The following ARHGAP10 variants were observed in gnomAD, a reference collection of about 807,000 sequenced individuals.
ARHGAP10 encodes Rho GTPase activating protein 10.
In ARHGAP10, 87 loss-of-function variants were observed where a neutral mutation model predicts 108.6. The observed-to-expected ratio is 0.80, with a 90% CI of 0.67 to 0.96. The LOEUF (loss-of-function observed/expected upper bound fraction) is 0.96. Among genes scored for constraint, ARHGAP10 ranks in the 40% least tolerant of loss-of-function variants. ARHGAP10 has a pLI of 0.00. For synonymous variants in ARHGAP10, 347 were observed against 341.1 expected (o/e 1.02, Z -0.19); for missense variants, 939 against 954.5 (o/e 0.98, Z 0.21).
At chr4:147,736,120 CTGTGTGTGTGTGTGTG>C in intron 1 of ARHGAP10, among the ~76,000 whole-genome samples, 1 of 144,744 alleles carries the variant, frequency 6.9e-6, no homozygotes, top group South Asian at 2.2e-4. Flanking sequence ...AATTGTCTAG[CTGTGTGTGTGTGTGTG>C]TGTGTGTGTG....
intron 8 of ARHGAP10, among the ~76,000 whole-genome samples, chr4:147,876,044 C>T (rs990543177): frequency 3.3e-5 from 5 of 152,178 alleles, no homozygotes; most frequent in Non-Finnish European, 5.9e-5. Flanking sequence ...ACAGGACTTT[C>T]AATCCGACCT....
intron 4 of ARHGAP10, among the ~76,000 whole-genome samples, chr4:147,856,736 C>T (rs1734100198): frequency 6.6e-6 from 1 of 152,170 alleles, no homozygotes; most frequent in South Asian, 2.1e-4. Context: ...TGGTTCTAAG[C>T]ATTTCAGAGA....
intron 13 of ARHGAP10, among the ~76,000 whole-genome samples, chr4:147,914,470 G>T (rs1481854371): frequency 6.6e-6 from 1 of 151,596 alleles, no homozygotes; most frequent in Non-Finnish European, 1.5e-5. Flanking sequence ...TGATCCTCCT[G>T]CCTGGGCCTC....
chr4:147,794,001 C>A (rs2126750534), intron 1 of ARHGAP10, among the ~76,000 whole-genome samples: 1 of 152,306 alleles, frequency 6.6e-6, no homozygotes, highest in South Asian at 2.1e-4. Flanking sequence ...AAATGTTCTG[C>A]AGATCACAGA....
intron 19 of ARHGAP10, among the ~76,000 whole-genome samples, chr4:148,037,843 AAAAAAG>A (rs1372260007): frequency 1.4e-4 from 22 of 151,932 alleles, no homozygotes; most frequent in African/African-American, 5.3e-4. Flanking sequence ...CAAAAAAAAA[AAAAAAG>A]AAAAGAATGG....
intron 1 of ARHGAP10, among the ~76,000 whole-genome samples, chr4:147,761,017 CTTT>C (rs11301771): frequency 1.2e-4 from 17 of 141,302 alleles, no homozygotes; most frequent in Non-Finnish European, 1.1e-4. Context: ...TTAGAGTTAA[CTTT>C]TTTTTTTTTT....
chr4:147,996,113 G>C (rs1035456882), intron 18 of ARHGAP10, among the ~76,000 whole-genome samples: 1 of 152,178 alleles, frequency 6.6e-6, no homozygotes, highest in Non-Finnish European at 1.5e-5. Flanking sequence ...TGCAGGAGAT[G>C]GTTTGGGCAG....
At chr4:148,013,260 G>GT (rs1741232697) in intron 18 of ARHGAP10, among the ~76,000 whole-genome samples, 1 of 152,196 alleles carries the variant, frequency 6.6e-6, no homozygotes, top group Non-Finnish European at 1.5e-5. Context: ...TCTTAAATAT[G>GT]TAAGTCATTC....
At chr4:147,823,776 A>T (rs1305032918) in intron 3 of ARHGAP10, among the ~76,000 whole-genome samples, 1 of 151,966 alleles carries the variant, frequency 6.6e-6, no homozygotes, top group African/African-American at 2.4e-5. Context: ...GAAAAAACAA[A>T]ACAAAAAACA....
chr4:148,015,541 G>C (rs1413370612), intron 18 of ARHGAP10, among the ~76,000 whole-genome samples: 1 of 152,174 alleles, frequency 6.6e-6, no homozygotes, highest in African/African-American at 2.4e-5. Context: ...GTATTTTACT[G>C]TCAGACCCTG....
intron 3 of ARHGAP10, 144 bp downstream of exon 3, chr4:147,823,101 G>A: frequency 2.2e-6 from 2 of 900,486 alleles, no homozygotes; most frequent in Non-Finnish European, 3.3e-6. Context: ...GGTTTCCGGA[G>A]CCCTGATTTC....
intron 12 of ARHGAP10, among the ~76,000 whole-genome samples, chr4:147,911,470 T>C (rs935289739): frequency 6.6e-6 from 1 of 152,174 alleles, no homozygotes; most frequent in Non-Finnish European, 1.5e-5. Flanking sequence ...TCACTCCGTT[T>C]TCCTGTCTCA....
chr4:147,823,705 C>T (rs975250284), intron 3 of ARHGAP10, among the ~76,000 whole-genome samples: 1 of 151,828 alleles, frequency 6.6e-6, no homozygotes. Flanking sequence ...TGCAGTGAGC[C>T]GAGATTGTGC....
At chr4:147,943,581 G>A (rs1041716675) in intron 14 of ARHGAP10, among the ~76,000 whole-genome samples, 3 of 152,172 alleles carry the variant, frequency 2.0e-5, no homozygotes, top group Non-Finnish European at 2.9e-5. Context: ...CAGTGGTTAC[G>A]TAAGCGTGAA....
At chr4:147,923,921 A>G (rs575858956) in intron 13 of ARHGAP10, among the ~76,000 whole-genome samples, 2 of 152,252 alleles carry the variant, frequency 1.3e-5, no homozygotes, top group African/African-American at 4.8e-5. Context: ...GCCAAGGGCA[A>G]TGAAGAAAAT....
intron 1 of ARHGAP10, among the ~76,000 whole-genome samples, chr4:147,818,026 A>G (rs1379713485): frequency 6.6e-6 from 1 of 152,196 alleles, no homozygotes; most frequent in Non-Finnish European, 1.5e-5. Flanking sequence ...TGTAATGGAA[A>G]GGACATTGGT....
At chr4:148,067,458 C>T (rs543165763) in intron 22 of ARHGAP10, among the ~76,000 whole-genome samples, 9 of 152,302 alleles carry the variant, frequency 5.9e-5, no homozygotes, top group Admixed American at 4.6e-4. Flanking sequence ...CATCTGACCA[C>T]GGCTTCTGTG....
intron 1 of ARHGAP10, among the ~76,000 whole-genome samples, chr4:147,803,976 A>G (rs1447709726): frequency 6.7e-6 from 1 of 150,014 alleles, no homozygotes; most frequent in African/African-American, 2.5e-5. Flanking sequence ...GCTGGATCAT[A>G]TGGTAGTTGT....
chr4:147,816,906 G>T (rs1426554269), intron 1 of ARHGAP10, among the ~76,000 whole-genome samples: 1 of 152,110 alleles, frequency 6.6e-6, no homozygotes, highest in Non-Finnish European at 1.5e-5. Flanking sequence ...TCTGTACCCT[G>T]TTCCTCTTTA....
Sources: gnomAD v4.1 joint callset for allele counts (sites outside exome capture counted in the v4.1 genomes callset) on GRCh38, gnomAD v4.1.1 for gene constraint, MANE v1.5 for transcripts, NCBI Gene and HGNC (gene_info 2026-07-23, HGNC 2026-07-21) for gene names.